SMURF2: variants seen among roughly 807,000 people sequenced by gnomAD.
The protein encoded by SMURF2 is E3 ubiquitin-protein ligase SMURF2.
In SMURF2, 48 loss-of-function variants were observed where a neutral mutation model predicts 109.6. That is an observed-to-expected ratio of 0.44 (90% CI 0.35 to 0.56). SMURF2 has a LOEUF of 0.56. Ranked by LOEUF, SMURF2 falls within the 20% of genes least tolerant of loss-of-function variation. SMURF2 has a pLI of 0.01. For missense variants in SMURF2, 575 were observed against 909.0 expected, an observed-to-expected ratio of 0.63 and a Z score of 4.72; for synonymous variants, 288 against 317.1, an observed-to-expected ratio of 0.91 and a Z score of 0.97.
intron 1 of SMURF2, among the ~76,000 whole-genome samples, chr17:64,651,557 G>C (rs1555693522): frequency 6.7e-6 from 1 of 148,608 alleles, no homozygotes; most frequent in Non-Finnish European, 1.5e-5. Context: ...GGGCGACAGA[G>C]CAAGACCCTA....
chr17:64,625,553 T>C (rs1256035489), intron 1 of SMURF2, among the ~76,000 whole-genome samples: 3 of 152,214 alleles, frequency 2.0e-5, no homozygotes, highest in Non-Finnish European at 4.4e-5. Context: ...TAACATAGTG[T>C]AGATTATGAG....
At chr17:64,584,276 C>A (rs1477297956) in intron 6 of SMURF2, among the ~76,000 whole-genome samples, 1 of 148,760 alleles carries the variant, frequency 6.7e-6, no homozygotes, top group Non-Finnish European at 1.5e-5. Context: ...CAAGATCATG[C>A]CACTGCACTC....
Position 64,545,791 on chromosome 17 carries a change from A to G in SMURF2, c.*57T>C. The G allele has an allele frequency of 1.2e-6, 1 of 843,310 alleles. No homozygotes were observed. Among genetic ancestry groups the G allele is most frequent in the Non-Finnish European group, 1.9e-6 (1 of 514,620 alleles). 52.2% of individuals were successfully genotyped at this position (843,310 alleles called of 1,614,324 possible). A position where few individuals can be genotyped will look rare whatever the true frequency, so the allele number is the denominator to read the frequency against. On this transcript the variant is annotated 3_prime_UTR_variant, in exon 19 of 19. Transcript: ENST00000262435. Reference sequence around the variant, plus strand: ...GCATATTCTTTGAAACTCTGCTGAAAGGAGGCTGTCAGTCAGGGTTGTATA... The same window carrying G: ...GCATATTCTTTGAAACTCTGCTGAAGGGAGGCTGTCAGTCAGGGTTGTATA...
rs1295016968 is a variant in SMURF2 at position 64,544,857 on chromosome 17, A to G, written c.*991T>C. The stretch of plus-strand genomic sequence containing the variant: ...GATGGTTTTGTTAATGGAAACTTAC[A>G]CTGTAGTTAAAATACAATATAAATT... On this transcript the variant is annotated 3_prime_UTR_variant, in exon 19 of 19. Coordinates refer to ENST00000262435, the MANE Select transcript of SMURF2 (RefSeq NM_022739.4). 6.6e-6 allele frequency: 1 copy of G among 152,610 alleles called. No homozygotes were observed. Among genetic ancestry groups the G allele is most frequent in the Non-Finnish European group, 1.5e-5 (1 of 68,026 alleles). 9.5% of individuals were successfully genotyped at this position (152,610 alleles called of 1,614,324 possible). A position where few individuals can be genotyped will look rare whatever the true frequency, so the allele number is the denominator to read the frequency against.
At chr17:64,576,829 G>T (rs1969498423) in intron 9 of SMURF2, among the ~76,000 whole-genome samples, 1 of 149,450 alleles carries the variant, frequency 6.7e-6, no homozygotes, top group South Asian at 2.1e-4. Flanking sequence ...GTTTTTAAAG[G>T]GTATGTGTTC....
chr17:64,573,039 G>A (rs1969421061), intron 9 of SMURF2: 1 of 150,264 alleles, frequency 6.7e-6, no homozygotes, highest in Non-Finnish European at 1.5e-5. Flanking sequence ...AAATACCAAA[G>A]AAACGACATA....
intron 1 of SMURF2, among the ~76,000 whole-genome samples, chr17:64,645,934 A>G (rs1223959707): frequency 6.6e-6 from 1 of 152,214 alleles, no homozygotes; most frequent in Non-Finnish European, 1.5e-5. Flanking sequence ...ATTCACATAA[A>G]TAAGTAGGTA....
At chr17:64,613,403 T>C (rs1166264971) in intron 1 of SMURF2, among the ~76,000 whole-genome samples, 4 of 152,138 alleles carry the variant, frequency 2.6e-5, no homozygotes, top group African/African-American at 7.2e-5. Flanking sequence ...ATAGAAACTA[T>C]GGAAAGTAGA....
intron 9 of SMURF2, among the ~76,000 whole-genome samples, chr17:64,575,065 G>C (rs927163558): frequency 2.7e-5 from 4 of 148,064 alleles, no homozygotes; most frequent in Non-Finnish European, 5.9e-5. Flanking sequence ...TAATAAAACT[G>C]ATTTTGAAAA....
intron 1 of SMURF2, among the ~76,000 whole-genome samples, chr17:64,613,252 T>G (rs1970070242): frequency 6.6e-6 from 1 of 152,200 alleles, no homozygotes; most frequent in African/African-American, 2.4e-5. Flanking sequence ...AAAGAATCCA[T>G]GAATTTCAAT....
chr17:64,576,586 C>T (rs1281090396), intron 9 of SMURF2, among the ~76,000 whole-genome samples: 1 of 151,058 alleles, frequency 6.6e-6, no homozygotes, highest in Non-Finnish European at 1.5e-5. Flanking sequence ...ATCACTTGAA[C>T]CCGGGAGGCG....
chr17:64,613,750 G>T (rs1970083522), intron 1 of SMURF2, among the ~76,000 whole-genome samples: 2 of 145,894 alleles, frequency 1.4e-5, no homozygotes, highest in African/African-American at 5.1e-5. Flanking sequence ...GTGTGGAGGG[G>T]GGGCAGAGGG....
chr17:64,647,044 A>G (rs1970568271), intron 1 of SMURF2, among the ~76,000 whole-genome samples: 1 of 152,200 alleles, frequency 6.6e-6, no homozygotes, highest in Non-Finnish European at 1.5e-5. Context: ...TTCATCCATC[A>G]AGTCTTATCT....
chr17:64,653,461 A>G (rs1289454909), intron 1 of SMURF2, among the ~76,000 whole-genome samples: 4 of 66,142 alleles, frequency 6.0e-5, no homozygotes, highest in Non-Finnish European at 6.4e-5. Context: ...TACAACTTTG[A>G]AAAAAAAAAA....
At chr17:64,565,375 C>T (rs1460835883) in intron 10 of SMURF2, among the ~76,000 whole-genome samples, 1 of 152,202 alleles carries the variant, frequency 6.6e-6, no homozygotes, top group Non-Finnish European at 1.5e-5. Context: ...CTGGTCTATC[C>T]TTTAGGGCCT....
chr17:64,634,149 CAAAACAA>C (rs1283497573), intron 1 of SMURF2, among the ~76,000 whole-genome samples: 1 of 151,928 alleles, frequency 6.6e-6, no homozygotes, highest in African/African-American at 2.4e-5. Flanking sequence ...GAGACTGTTT[CAAAACAA>C]AAAACAAAAA....
At chr17:64,561,115 C>T (rs1555684481) in intron 12 of SMURF2, among the ~76,000 whole-genome samples, 1 of 151,892 alleles carries the variant, frequency 6.6e-6, no homozygotes, top group African/African-American at 2.4e-5. Flanking sequence ...CATGCATACA[C>T]ATTCATTTAA....
At chr17:64,557,009 TA>T (rs1385528106) in intron 13 of SMURF2, among the ~76,000 whole-genome samples, 7 of 152,214 alleles carry the variant, frequency 4.6e-5, no homozygotes, top group Non-Finnish European at 1.0e-4. Flanking sequence ...ATTATCATTT[TA>T]GTGGCTGTAT....
intron 1 of SMURF2, among the ~76,000 whole-genome samples, chr17:64,635,926 T>C (rs569795793): frequency 6.6e-6 from 1 of 152,336 alleles, no homozygotes; most frequent in African/African-American, 2.4e-5. Context: ...TGAACTACTT[T>C]ACATTCCCAC....
Sources: gnomAD v4.1 joint callset for allele counts (sites outside exome capture counted in the v4.1 genomes callset) on GRCh38, gnomAD v4.1.1 for gene constraint, MANE v1.5 for transcripts, NCBI Gene and HGNC (gene_info 2026-07-23, HGNC 2026-07-21) for gene names.